The following ADARB1 variants were observed in gnomAD, a reference collection of about 807,000 sequenced individuals.
The protein encoded by ADARB1 is double-stranded RNA-specific editase 1.
A neutral mutation model predicts 52.4 loss-of-function variants in ADARB1; 10 were observed. The observed-to-expected ratio is 0.19, with a 90% confidence interval of 0.12 to 0.32. ADARB1 has a LOEUF of 0.32. Ranked by LOEUF, ADARB1 falls within the 10% of genes least tolerant of loss-of-function variation. The probability of loss-of-function intolerance (pLI) is 1.00; values close to 1 mark genes in which losing one functional copy is unlikely to be tolerated. For missense variants in ADARB1, 643 were observed against 922.3 expected (o/e 0.70, Z 3.92); for synonymous variants, 349 against 371.1 (o/e 0.94, Z 0.68).
At chr21:45,075,032 C>T (rs1394755440) in intron 1 of ADARB1, among the ~76,000 whole-genome samples, 1 of 149,200 alleles carries the variant, frequency 6.7e-6, no homozygotes, top group South Asian at 2.1e-4. Flanking sequence ...CCCGGGCGGC[C>T]CCGCGTCCCC....
intron 8 of ADARB1, among the ~76,000 whole-genome samples, chr21:45,202,880 G>A (rs981863551): frequency 6.6e-6 from 1 of 151,274 alleles, no homozygotes; most frequent in African/African-American, 2.4e-5. Flanking sequence ...ACTGTGCTGA[G>A]CGTCTTCCCC....
chr21:45,106,844 C>A (rs1351319717), intron 1 of ADARB1, among the ~76,000 whole-genome samples: 1 of 152,118 alleles, frequency 6.6e-6, no homozygotes, highest in Non-Finnish European at 1.5e-5. Context: ...CAGAGCAGGG[C>A]TTGTGGCAAG....
chr21:45,172,251 T>C lies in ADARB1; in HGVS notation c.28+567T>C, dbSNP rs1231126412. 2.6e-5 allele frequency among the ~76,000 whole-genome samples: 4 copies of C among 152,108 alleles called. No homozygotes were observed. The highest frequency in any genetic ancestry group is 2.6e-4 in the Admixed American group (4 of 15,274). On this transcript the variant is annotated intron_variant, in intron 3 of 10. Transcript: ENST00000348831. This position sits in a 1 kb window ranked among gnomAD's most constrained non-coding sequence, Gnocchi z 4.4. ...GGTGGTGGAAGGCCGCTGGGGTACG[T>C]TGGTGTTTCGGTGAAGGTACTTATC...
intron 1 of ADARB1, among the ~76,000 whole-genome samples, chr21:45,087,779 G>T (rs1318165403): frequency 6.6e-6 from 1 of 152,204 alleles, no homozygotes; most frequent in African/African-American, 2.4e-5. Flanking sequence ...TCTCACTGTA[G>T]TACAAAGCGG....
chr21:45,147,079 C>T (rs1348864790), intron 2 of ADARB1, among the ~76,000 whole-genome samples: 1 of 152,180 alleles, frequency 6.6e-6, no homozygotes, highest in Non-Finnish European at 1.5e-5. Context: ...TCTTCTCAGC[C>T]AGATCAGTTC....
At chr21:45,084,149 G>T (rs1258228202) in intron 1 of ADARB1, among the ~76,000 whole-genome samples, 2 of 152,216 alleles carry the variant, frequency 1.3e-5, no homozygotes, top group Non-Finnish European at 2.9e-5. Context: ...CTTGGATGTA[G>T]AATGAGGGCA....
chr21:45,098,454 C>T (rs577070252), intron 1 of ADARB1, among the ~76,000 whole-genome samples: 47 of 152,330 alleles, frequency 3.1e-4, no homozygotes, highest in Non-Finnish European at 5.3e-4. Context: ...GCCCCTTCTG[C>T]CCCAGCTCAT....
chr21:45,182,848 A>G, intron 6 of ADARB1, 95 bp downstream of exon 6: 1 of 1,200,918 alleles, frequency 8.3e-7, no homozygotes, highest in Non-Finnish European at 1.1e-6. Flanking sequence ...TTCTGTAATC[A>G]TGGAAAATCT....
chr21:45,223,412 G>C lies in ADARB1; in HGVS notation c.*1215G>C. The C allele has an allele frequency of 1.0e-6, 1 of 985,834 alleles. No homozygotes were observed. The highest frequency in any genetic ancestry group is 1.2e-6 in the Non-Finnish European group (1 of 830,210). 61.1% of individuals were successfully genotyped at this position (985,834 alleles called of 1,614,324 possible). ...CCCACGACAGAGGGAGTCAGCCCGG[G>C]AGGTCAGGAGCGCGGCGGGCGAGGG... is the stretch of plus-strand genomic sequence containing the variant. On this transcript the variant is annotated 3_prime_UTR_variant, in exon 11 of 11. Coordinates refer to ENST00000348831, the MANE Select transcript of ADARB1 (RefSeq NM_001112.4).
intron 1 of ADARB1, among the ~76,000 whole-genome samples, chr21:45,101,261 G>C (rs1473857882): frequency 6.6e-6 from 1 of 152,130 alleles, no homozygotes; most frequent in African/African-American, 2.4e-5. Flanking sequence ...CTGGCTCTGC[G>C]CTCACGTGCT....
chr21:45,127,124 G>A (rs9976920), intron 1 of ADARB1, among the ~76,000 whole-genome samples: 3 of 152,182 alleles, frequency 2.0e-5, no homozygotes, highest in Non-Finnish European at 4.4e-5. Context: ...CTCACTCGGG[G>A]CCCTTGCTCT....
In ADARB1 at chr21:45,210,020, C is replaced by T. The variant is rs567258687; in HGVS notation, c.1747+5284C>T. Among the ~76,000 whole-genome samples, 7 of 152,350 alleles carry T rather than the reference C, an allele frequency of 4.6e-5. No individual in the cohort carries two copies. The East Asian group carries it at 7.7e-4, about 17-fold the overall frequency. On this transcript the variant is annotated intron_variant, in intron 9 of 10. Coordinates refer to ENST00000348831, the MANE Select transcript of ADARB1 (RefSeq NM_001112.4). ...TGAACTGTTTTCCCCGCGGAGCAGG[C>T]TCCCCGGGAGCTCATGCCTGGCCCA... is the stretch of plus-strand genomic sequence containing the variant.
At chr21:45,144,719 G>T in intron 2 of ADARB1, 1 of 438,400 alleles carries the variant, frequency 2.3e-6, no homozygotes, top group Middle Eastern at 3.3e-4. Context: ...CATGTGAAAT[G>T]ACTACAAAAT....
At chr21:45,210,249 C>G (rs1433509111) in intron 9 of ADARB1, among the ~76,000 whole-genome samples, 1 of 152,156 alleles carries the variant, frequency 6.6e-6, no homozygotes, top group Non-Finnish European at 1.5e-5. Flanking sequence ...AGAAAAGTTT[C>G]CTGAAAGGAA....
intron 8 of ADARB1, among the ~76,000 whole-genome samples, chr21:45,201,551 A>C: frequency 6.6e-6 from 1 of 152,200 alleles, no homozygotes; most frequent in Non-Finnish European, 1.5e-5. Context: ...TAAGTTAGGG[A>C]AACCTTCATT....
chr21:45,125,207 G>A (rs570933703), intron 1 of ADARB1, among the ~76,000 whole-genome samples: 1 of 152,342 alleles, frequency 6.6e-6, no homozygotes, highest in South Asian at 2.1e-4. Flanking sequence ...CAGAGTTTAA[G>A]TGATAATTCC....
chr21:45,121,098 T>G (rs936944657), intron 1 of ADARB1: 1 of 152,206 alleles, frequency 6.6e-6, no homozygotes, highest in African/African-American at 2.4e-5. Flanking sequence ...TCTTGACAGA[T>G]TTTACTACCG....
rs2090723269 is a variant in ADARB1, at chr21:45,157,465, T to TG, written c.-47-14144dup. Among the ~76,000 whole-genome samples the TG allele has an allele frequency of 6.6e-6, 1 of 152,000 alleles. No homozygotes were observed. Among genetic ancestry groups the TG allele is most frequent in the South Asian group, 2.1e-4 (1 of 4,826 alleles). Reference sequence around the variant, plus strand: ...GACAGTCTTTCAAATGCATTGCTGCTGCGTTTGCACTGTGAAGGACGGAGC... The same window carrying TG: ...GACAGTCTTTCAAATGCATTGCTGCTGGCGTTTGCACTGTGAAGGACGGAGC... On this transcript the variant is annotated intron_variant, in intron 2 of 10. Transcript: ENST00000348831. The surrounding 1 kb of genome is among the most constrained non-coding windows in gnomAD (Gnocchi z 4.1).
intron 1 of ADARB1, among the ~76,000 whole-genome samples, chr21:45,085,738 G>A (rs949141138): frequency 4.0e-4 from 61 of 152,256 alleles, no homozygotes; most frequent in African/African-American, 1.4e-3. Context: ...TATTTATCTT[G>A]TTACATAGTG....
Sources: gnomAD v4.1 joint callset for allele counts (sites outside exome capture counted in the v4.1 genomes callset) on GRCh38, gnomAD v4.1.1 for gene constraint, Gnocchi (gnomAD v3.1) non-coding constraint, MANE v1.5 for transcripts, NCBI Gene and HGNC (gene_info 2026-07-23, HGNC 2026-07-21) for gene names.